BUB1: variants seen among roughly 807,000 people sequenced by gnomAD.
BUB1 encodes the protein BUB1 mitotic checkpoint serine/threonine kinase.
In BUB1, 84 loss-of-function variants were observed where a neutral mutation model predicts 135.2. The ratio of observed to expected loss-of-function variants is 0.62; its 90% CI spans 0.52 to 0.74. The LOEUF is 0.74. BUB1 is among the 30% of genes least tolerant of loss of function. The pLI is 0.00. For missense variants in BUB1, 1,162 were observed against 1,288.3 expected (o/e 0.90, Z 1.50); for synonymous variants, 403 against 434.4 (o/e 0.93, Z 0.90).
chr2:110,661,327 G>A lies in BUB1; in HGVS notation c.1217+255C>T, dbSNP rs561051845. The A allele has an allele frequency of 3.0e-4, 137 of 459,016 alleles. 1 individual carries two copies. In the East Asian group the frequency reaches 5.1e-3, roughly 17 times the overall value. The allele number at this position is 459,016 out of a possible 1,614,324, so 28.4% of individuals were successfully genotyped here. Reference sequence around the variant, plus strand: ...TATATTCTTCAGTTACAAAGTGACTGTTGACTTTCAGGTACTGAAAATTTT... The same window carrying A: ...TATATTCTTCAGTTACAAAGTGACTATTGACTTTCAGGTACTGAAAATTTT... On this transcript the variant is annotated intron_variant, in intron 10 of 24. Transcript: ENST00000302759.
chr2:110,649,175 C>T, intron 19 of BUB1, 59 bp downstream of exon 19: 1 of 1,458,934 alleles, frequency 6.9e-7, no homozygotes, highest in Non-Finnish European at 9.4e-7. Context: ...ACACACGTTA[C>T]CATCAACTTC....
chr2:110,671,880 T>C (rs1266753144), intron 4 of BUB1, among the ~76,000 whole-genome samples: 1 of 152,180 alleles, frequency 6.6e-6, no homozygotes, highest in Non-Finnish European at 1.5e-5. Context: ...GTGAGATATG[T>C]TTAATCATAG....
chr2:110,646,269 G>A (rs1219668859), intron 19 of BUB1, among the ~76,000 whole-genome samples: 1 of 145,866 alleles, frequency 6.9e-6, no homozygotes, highest in Non-Finnish European at 1.5e-5. Context: ...CCAGGATTTT[G>A]AGGTTGCAGT....
chr2:110,660,099 T>G, intron 10 of BUB1, 63 bp from the exon 11 acceptor site: 1 of 1,422,100 alleles, frequency 7.0e-7, no homozygotes, highest in Admixed American at 1.7e-5. Flanking sequence ...CTGGGTGCGG[T>G]GGTGGCTCAC....
At chr2:110,640,858 C>G (rs1689482628) in intron 23 of BUB1, among the ~76,000 whole-genome samples, 176 bp downstream of exon 23, 1 of 152,184 alleles carries the variant, frequency 6.6e-6, no homozygotes, top group Non-Finnish European at 1.5e-5. Flanking sequence ...AATAAGAAAG[C>G]AGAGTATTCT....
intron 3 of BUB1, among the ~76,000 whole-genome samples, chr2:110,673,123 C>G (rs1217246400): frequency 6.6e-6 from 1 of 152,136 alleles, no homozygotes; most frequent in Non-Finnish European, 1.5e-5. Flanking sequence ...CATAAAAACC[C>G]AAAACGATAG....
At chr2:110,657,718 C>A in intron 13 of BUB1, 73 bp from the exon 14 acceptor site, 2 of 1,094,334 alleles carry the variant, frequency 1.8e-6, no homozygotes, top group East Asian at 2.6e-5. Context: ...ACTTCAACTA[C>A]AAATAAGAAA....
chr2:110,669,937 T>G (rs1275333983), intron 5 of BUB1, among the ~76,000 whole-genome samples: 1 of 152,002 alleles, frequency 6.6e-6, no homozygotes, highest in Non-Finnish European at 1.5e-5. Flanking sequence ...AGTATTTTGG[T>G]CAATTTTGAA....
At chr2:110,658,260 T>C (rs1689985573) in intron 13 of BUB1, 150 bp downstream of exon 13, 4 of 644,564 alleles carry the variant, frequency 6.2e-6, no homozygotes, top group Non-Finnish European at 7.9e-6. Flanking sequence ...GAGTACCTTG[T>C]CAAGAACTGT....
chr2:110,669,328 T>G, intron 6 of BUB1, 125 bp downstream of exon 6: 1 of 682,214 alleles, frequency 1.5e-6, no homozygotes, highest in Middle Eastern at 2.5e-4. Flanking sequence ...GTGGCTGACA[T>G]GGAGCTCAGA....
Position 110,641,378 on chromosome 2 carries a change from C to CATGT in BUB1, c.2708_2711dup (p.Met904IlefsTer4). The CATGT allele has an allele frequency of 2.5e-6, 4 of 1,614,074 alleles. No homozygotes were observed. The highest frequency in any genetic ancestry group is 3.4e-6 in the Non-Finnish European group (4 of 1,180,006). The stretch of plus-strand genomic sequence containing the variant: ...TTTCACAGTCATGCACTTGCTCAAT[C>CATGT]ATGTAAAGCATTCTCATAGCAAAAG... On this transcript the variant is annotated frameshift_variant, in exon 22 of 25. Transcript: ENST00000302759. LOFTEE classifies it high-confidence loss of function.
intron 4 of BUB1, among the ~76,000 whole-genome samples, chr2:110,670,929 A>AT (rs1433092679): frequency 1.3e-5 from 2 of 152,240 alleles, no homozygotes; most frequent in Non-Finnish European, 2.9e-5. Flanking sequence ...CATAATGAAT[A>AT]TATTTGGAAG....
Position 110,642,214 on chromosome 2 carries a change from G to T in BUB1, c.2368C>A (p.His790Asn). ...FQLGSKLVYV[H>N]HLLGEGAFAQ... Reference sequence around the variant, plus strand: ...AAGGCTCCTTCTCCAAGAAGGTGATGGACATAGACCAGCTTAGAACCTTAG... The same window carrying T: ...AAGGCTCCTTCTCCAAGAAGGTGATTGACATAGACCAGCTTAGAACCTTAG... Residue 790 changes from histidine (H) to asparagine (N), a missense_variant, in exon 20 of 25, where the codon CAT becomes AAT. His to Asn is a moderately conservative substitution (Grantham distance 68). Coordinates refer to ENST00000302759, the MANE Select transcript of BUB1 (RefSeq NM_004336.5). 6.2e-7 allele frequency: 1 copy of T among 1,612,890 alleles called. No individual in the cohort carries two copies.
At position 110,674,183 on chromosome 2, in the gene BUB1, T is replaced by C. The variant is rs1191866289; in HGVS notation, c.128A>G (p.Glu43Gly). Residue 43 changes from glutamate (E) to glycine (G), a missense_variant, in exon 3 of 25, where the codon GAA becomes GGA. Glu to Gly is a moderately conservative substitution (Grantham distance 98). Transcript: ENST00000302759. ...ATGTTCTAGTAAAGTTATCAAGTAT[T>C]CTTTATTCTCAGGAAAATTCTCTTC... ...WVEENFPENK[E>G]YLITLLEHLM... is the part of the protein sequence containing the mutation. 1 of 1,596,964 alleles carries C rather than the reference T, an allele frequency of 6.3e-7. No individual in the cohort carries two copies. The highest frequency in any genetic ancestry group is 8.6e-7 in the Non-Finnish European group (1 of 1,165,494).
chr2:110,672,898 C>T lies in BUB1; in HGVS notation c.226-41G>A. 2 of 1,509,362 alleles carry T rather than the reference C, an allele frequency of 1.3e-6. 1 individual carries two copies. The highest frequency in any genetic ancestry group is 1.8e-6 in the Non-Finnish European group (2 of 1,126,910). The allele number at this position is 1,509,362 out of a possible 1,614,324, so 93.5% of individuals were successfully genotyped here. A position where few individuals can be genotyped will look rare whatever the true frequency, so the allele number is the denominator to read the frequency against. On this transcript the variant is annotated intron_variant, in intron 3 of 24. Transcript: ENST00000302759. ...ACAAAAAGACATAAGAATAATGGAA[C>T]TGCTAGTCTATGTCTGGTGAGGAGT... is the stretch of plus-strand genomic sequence containing the variant.
At chr2:110,644,916 AAAG>A (rs980321113) in intron 19 of BUB1, among the ~76,000 whole-genome samples, 5 of 152,226 alleles carry the variant, frequency 3.3e-5, no homozygotes, top group African/African-American at 1.2e-4. Context: ...AAAAATTTTA[AAAG>A]AAGTATAATT....
rs1306048473 is a variant in BUB1, at chr2:110,661,772, T to A, written c.1027A>T (p.Thr343Ser). 6.2e-7 allele frequency: 1 copy of A among 1,614,160 alleles called. No homozygotes were observed. The highest frequency in any genetic ancestry group is 1.3e-5 in the African/African-American group (1 of 75,020). The change falls in exon 10 of 25, where the codon ACC becomes TCC. Residue 343 changes from threonine to serine, a missense_variant. Coordinates refer to ENST00000302759, the MANE Select transcript of BUB1 (RefSeq NM_004336.5). ...ATGTTCACTGGTGTCTGCTGATAGG[T>A]TACTGGAAGACATGGCGCTCTCAGT... ...QELRAPCLPV[T>S]YQQTPVNMEK...
At chr2:110,647,374 A>G (rs1015764561) in intron 19 of BUB1, among the ~76,000 whole-genome samples, 2 of 152,218 alleles carry the variant, frequency 1.3e-5, no homozygotes, top group African/African-American at 4.8e-5. Context: ...GTAGAAAAAG[A>G]ATTATACACT....
At chr2:110,675,539 A>G (rs1690553046) in intron 1 of BUB1, among the ~76,000 whole-genome samples, 1 of 152,132 alleles carries the variant, frequency 6.6e-6, no homozygotes, top group Non-Finnish European at 1.5e-5. Context: ...TGAAGGAGGT[A>G]GAGGTGAGAA....
Sources: allele counts gnomAD v4.1 joint callset (sites outside exome capture counted in the v4.1 genomes callset), GRCh38; gene constraint gnomAD v4.1.1; transcripts MANE v1.5; gene names NCBI Gene and HGNC (gene_info 2026-07-23, HGNC 2026-07-21).